The following RBBP4 variants were observed in gnomAD, a reference collection of about 807,000 sequenced individuals.
The protein encoded by RBBP4 is RB binding protein 4, chromatin remodeling factor, also known as histone-binding protein RBBP4.
A neutral mutation model predicts 57.2 loss-of-function variants in RBBP4; 3 were observed. The ratio of observed to expected loss-of-function variants is 0.05; its 90% confidence interval spans 0.02 to 0.14. RBBP4 has a LOEUF of 0.14. Among genes scored for constraint, RBBP4 ranks in the 10% least tolerant of loss-of-function variants. The pLI is 1.00. For missense variants in RBBP4, 107 were observed against 520.6 expected, an observed-to-expected ratio of 0.21 and a Z score of 7.73; for synonymous variants, 151 against 171.5, an observed-to-expected ratio of 0.88 and a Z score of 0.93.
chr1:32,683,821 T>TG lies in RBBP4; in HGVS notation c.*4118dup. On this transcript the variant is annotated 3_prime_UTR_variant, in exon 12 of 12. Coordinates refer to ENST00000373493, the MANE Select transcript of RBBP4 (RefSeq NM_005610.3). ...CTAATTTTTGTATTTTTAGTGGAGA[T>TG]GGAGTTTTGCCATGTTGGCCAGGCT... 1.7e-6 allele frequency: 1 copy of TG among 580,702 alleles called. No individual in the cohort carries two copies. The allele number at this position is 580,702 out of a possible 1,614,324, so 36.0% of individuals were successfully genotyped here.
At position 32,679,884 on chromosome 1, in the gene RBBP4, T is replaced by G; in HGVS notation, c.*179T>G. ...CTAAATATTAATAGGGGGGCTTGATTCAACAAAGCCACAGACTTAACGTTG... is the reference window on the plus strand; with the variant it reads ...CTAAATATTAATAGGGGGGCTTGATGCAACAAAGCCACAGACTTAACGTTG... On this transcript the variant is annotated 3_prime_UTR_variant, in exon 12 of 12. Transcript: ENST00000373493. The G allele has an allele frequency of 7.7e-7, 1 of 1,298,704 alleles. No individual in the cohort carries two copies. The highest frequency in any genetic ancestry group is 2.5e-5 in the South Asian group (1 of 40,696). 80.4% of individuals were successfully genotyped at this position (1,298,704 alleles called of 1,614,324 possible). A position where few individuals can be genotyped will look rare whatever the true frequency, so the allele number is the denominator to read the frequency against.
At chr1:32,677,514 T>TAA in intron 11 of RBBP4, among the ~76,000 whole-genome samples, 1 of 150,646 alleles carries the variant, frequency 6.6e-6, no homozygotes, top group South Asian at 2.1e-4. Context: ...ACAGTAATAG[T>TAA]AAAAAGCTTT....
intron 3 of RBBP4, among the ~76,000 whole-genome samples, chr1:32,666,109 A>C (rs1048934751): frequency 1.3e-5 from 2 of 152,160 alleles, no homozygotes; most frequent in Non-Finnish European, 2.9e-5. Flanking sequence ...TGGCATGTGT[A>C]AGTGGGTGTA....
chr1:32,678,656 C>T lies in RBBP4; in HGVS notation c.1213-984C>T, dbSNP rs147548769. Among the ~76,000 whole-genome samples the T allele has an allele frequency of 1.2e-3, 161 of 128,840 alleles. 1 individual carries two copies. In the Middle Eastern group the frequency reaches 0.04, roughly 32 times the overall value. 84.5% of individuals were successfully genotyped at this position (128,840 alleles called of 152,430 possible). A position where few individuals can be genotyped will look rare whatever the true frequency, so the allele number is the denominator to read the frequency against. On this transcript the variant is annotated intron_variant, in intron 11 of 11. Transcript: ENST00000373493. ...CCAGGCTGGAGTGCAGTGGTGCAAT[C>T]TTGGCTCACTACAACCACCACCTCC... is the stretch of plus-strand genomic sequence containing the variant.
At chr1:32,670,445 AG>A (rs1648822398) in intron 8 of RBBP4, among the ~76,000 whole-genome samples, 1 of 152,202 alleles carries the variant, frequency 6.6e-6, no homozygotes. Context: ...GTTATCGCCC[AG>A]GTCTGATTGC....
Position 32,668,863 on chromosome 1 carries a change from C to A in RBBP4, c.600+9C>A, listed in dbSNP as rs760741172. On this transcript the variant is annotated intron_variant, in intron 5 of 11. Coordinates refer to ENST00000373493, the MANE Select transcript of RBBP4 (RefSeq NM_005610.3). Reference sequence around the variant, plus strand: ...GTGCTTCAGATGACCATGTGTGTATCCTTCCCATTTTGAAGCAAATCTGGG... The same window carrying A: ...GTGCTTCAGATGACCATGTGTGTATACTTCCCATTTTGAAGCAAATCTGGG... The A allele has an allele frequency of 1.7e-5, 27 of 1,613,404 alleles. No homozygotes were observed. The highest frequency in any genetic ancestry group is 1.6e-4 in the Middle Eastern group (1 of 6,084).
intron 11 of RBBP4, 88 bp from the exon 12 acceptor site, chr1:32,679,552 C>G (rs529893379): frequency 1.6e-6 from 2 of 1,213,098 alleles, no homozygotes; most frequent in Non-Finnish European, 1.1e-6. Context: ...AGTATTTACT[C>G]TCTGGCTTCC....
chr1:32,679,709 T>C lies in RBBP4; in HGVS notation c.*4T>C, dbSNP rs1281124104. The C allele has an allele frequency of 8.1e-6, 13 of 1,612,902 alleles. No individual in the cohort carries two copies. The highest frequency in any genetic ancestry group is 4.5e-5 in the East Asian group (2 of 44,826). ...TCCAGAAGGACAAGGGTCCTAGATA[T>C]GTCTTTACTTGTTGTGATTTTAGAC... On this transcript the variant is annotated 3_prime_UTR_variant, in exon 12 of 12. Coordinates refer to ENST00000373493, the MANE Select transcript of RBBP4 (RefSeq NM_005610.3).
chr1:32,668,767 G>A lies in RBBP4; in HGVS notation c.513G>A (p.Leu171=), dbSNP rs773029055. The A allele has an allele frequency of 5.0e-6, 8 of 1,613,098 alleles. No individual in the cohort carries two copies. The highest frequency in any genetic ancestry group is 6.8e-6 in the Non-Finnish European group (8 of 1,180,008). Residue 171 remains leucine, a synonymous_variant, in exon 5 of 12, where the codon TTG becomes TTA. Transcript: ENST00000373493. ...CTTCTGGAGAGTGCAACCCAGACTT[G>A]CGTCTCCGTGGACATCAGAAGGAAG... The part of the protein sequence containing the change: ...PDPSGECNPD[L]RLRGHQKEGY...
chr1:32,654,574 G>A (rs1401439531), intron 2 of RBBP4, among the ~76,000 whole-genome samples: 1 of 152,170 alleles, frequency 6.6e-6, no homozygotes, highest in African/African-American at 2.4e-5. Flanking sequence ...TGACTAGCTA[G>A]GTTTCGAAAG....
chr1:32,662,408 C>CT lies in RBBP4; in HGVS notation c.310+4837dup, dbSNP rs554540981. 183 of 167,368 alleles carry CT rather than the reference C, an allele frequency of 1.1e-3. 1 individual carries two copies. Among genetic ancestry groups the CT allele is most frequent in the African/African-American group, 3.9e-3 (163 of 41,354 alleles). The allele number at this position is 167,368 out of a possible 1,614,324, so 10.4% of individuals were successfully genotyped here. A position where few individuals can be genotyped will look rare whatever the true frequency, so the allele number is the denominator to read the frequency against. On this transcript the variant is annotated intron_variant, in intron 3 of 11. Coordinates refer to ENST00000373493, the MANE Select transcript of RBBP4 (RefSeq NM_005610.3). ...TGTTGCTTTTTGAGACAGAATTTCA[C>CT]TCTTGTTACCCAGGCTGGAGTGCAA...
In RBBP4 at chr1:32,651,227, C is replaced by G. The variant is rs1168811115; in HGVS notation, c.-80C>G. 1 of 1,500,464 alleles carries G rather than the reference C, an allele frequency of 6.7e-7. No homozygotes were observed. The highest frequency in any genetic ancestry group is 2.2e-5 in the Admixed American group (1 of 45,548). 92.9% of individuals were successfully genotyped at this position (1,500,464 alleles called of 1,614,324 possible). The stretch of plus-strand genomic sequence containing the variant: ...GGCGCAGGAAACAATAGAGGCCGCG[C>G]GCACAGAGCGAGCTCTTGCAGCCTC... On this transcript the variant is annotated 5_prime_UTR_variant, in exon 1 of 12. Coordinates refer to ENST00000373493, the MANE Select transcript of RBBP4 (RefSeq NM_005610.3).
chr1:32,670,099 G>A (rs1434466235), intron 8 of RBBP4, among the ~76,000 whole-genome samples: 1 of 152,176 alleles, frequency 6.6e-6, no homozygotes, highest in Non-Finnish European at 1.5e-5. Context: ...GCTTATGCCT[G>A]TAATCCCAGC....
At chr1:32,661,080 C>T (rs1463741101) in intron 3 of RBBP4, among the ~76,000 whole-genome samples, 2 of 152,116 alleles carry the variant, frequency 1.3e-5, no homozygotes, top group East Asian at 3.9e-4. Flanking sequence ...TCCCAAAGTT[C>T]TGGGCTTATA....
chr1:32,669,376 A>T lies in RBBP4; in HGVS notation c.888+19A>T. On this transcript the variant is annotated intron_variant, in intron 7 of 11. Transcript: ENST00000373493. The surrounding 1 kb of genome is among the most constrained non-coding windows in gnomAD (Gnocchi z 4.9). ...TGACAAGGTCAGTTTCGTTTATTTT[A>T]ATAGAAAACATAATTTCTCTAGGTT... 6.3e-7 allele frequency: 1 copy of T among 1,585,244 alleles called. No individual in the cohort carries two copies. Among genetic ancestry groups the T allele is most frequent in the East Asian group, 2.2e-5 (1 of 44,734 alleles).
chr1:32,672,223 CAT>C (rs1332771717), intron 8 of RBBP4, among the ~76,000 whole-genome samples: 1 of 152,044 alleles, frequency 6.6e-6, no homozygotes, highest in African/African-American at 2.4e-5. Context: ...CTCCTGACCT[CAT>C]GTGATCCACC....
At chr1:32,660,913 A>G (rs1260747589) in intron 3 of RBBP4, among the ~76,000 whole-genome samples, 1 of 152,140 alleles carries the variant, frequency 6.6e-6, no homozygotes, top group African/African-American at 2.4e-5. Context: ...GGGCTCAAGC[A>G]GTCCTCCTGC....
At chr1:32,656,442 T>C (rs1474391742) in intron 2 of RBBP4, among the ~76,000 whole-genome samples, 1 of 152,120 alleles carries the variant, frequency 6.6e-6, no homozygotes, top group African/African-American at 2.4e-5. Context: ...AACCTCTGCC[T>C]CCTGGGTTCA....
chr1:32,659,135 A>G (rs1241769874), intron 3 of RBBP4, among the ~76,000 whole-genome samples: 1 of 145,764 alleles, frequency 6.9e-6, no homozygotes, highest in Non-Finnish European at 1.5e-5. Flanking sequence ...ATACATATAA[A>G]TTTTATATAT....
Sources: gnomAD v4.1 joint callset for allele counts (sites outside exome capture counted in the v4.1 genomes callset) on GRCh38, gnomAD v4.1.1 for gene constraint, Gnocchi (gnomAD v3.1) non-coding constraint, MANE v1.5 for transcripts, NCBI Gene and HGNC (gene_info 2026-07-23, HGNC 2026-07-21) for gene names.